NUP153: variants seen among roughly 807,000 people sequenced by gnomAD.
NUP153 encodes the protein nucleoporin 153.
NUP153 carries 27 observed loss-of-function variants against 134.6 expected under a neutral mutation model. The observed-to-expected ratio is 0.20, with a 90% confidence interval of 0.15 to 0.28. The LOEUF is 0.28. Ranked by LOEUF, NUP153 falls within the 10% of genes least tolerant of loss-of-function variation. The pLI, the probability that NUP153 is intolerant of heterozygous loss-of-function variation, is 1.00. For missense variants in NUP153, 1,821 were observed against 1,731.3 expected (o/e 1.05, Z -0.92); for synonymous variants, 640 against 623.5 (o/e 1.03, Z -0.40).
rs1339833046 is a variant in NUP153 at position 17,632,763 on chromosome 6, T to G, written c.2546A>C (p.Lys849Thr). 6.2e-7 allele frequency: 1 copy of G among 1,611,408 alleles called. No homozygotes were observed. Among genetic ancestry groups the G allele is most frequent in the South Asian group, 1.1e-5 (1 of 91,052 alleles). The change falls in exon 17 of 22, where the codon AAG becomes ACG. Residue 849 changes from lysine (K) to threonine (T), a missense_variant. Transcript: ENST00000262077. ...ACAGTCCCAGCTTCCCTCGGGTTTCTTGAACTTTTCCAATCCTAGAGAGCC... is the reference window on the plus strand; with the variant it reads ...ACAGTCCCAGCTTCCCTCGGGTTTCGTGAACTTTTCCAATCCTAGAGAGCC... ...SGGSLGLEKFKKPEGSWDCEL... is the reference protein window; with the variant it reads ...SGGSLGLEKFTKPEGSWDCEL...
chr6:17,626,086 C>A lies in NUP153; in HGVS notation c.3623G>T (p.Gly1208Val). ...SSSSTPATSA[G>V]GGIFGSSTSS... ...GGTGGAACTACCAAATATGCCACCA[C>A]CAGCAGAAGTGGCTGGTGTACTTGA... is the stretch of plus-strand genomic sequence containing the variant. The change falls in exon 19 of 22, where the codon GGT becomes GTT. Residue 1208 changes from glycine to valine, a missense_variant. Coordinates refer to ENST00000262077, the MANE Select transcript of NUP153 (RefSeq NM_005124.4). 6.2e-7 allele frequency: 1 copy of A among 1,613,904 alleles called. No homozygotes were observed. Among genetic ancestry groups the A allele is most frequent in the Non-Finnish European group, 8.5e-7 (1 of 1,180,028 alleles).
intron 7 of NUP153, 39 bp downstream of exon 7, chr6:17,669,254 T>C: frequency 6.4e-7 from 1 of 1,558,896 alleles, no homozygotes; most frequent in African/African-American, 1.4e-5. Flanking sequence ...AATTTTTGTA[T>C]GAACAATATT....
chr6:17,678,568 G>C (rs1768376225), intron 2 of NUP153, among the ~76,000 whole-genome samples: 1 of 152,094 alleles, frequency 6.6e-6, no homozygotes, highest in Admixed American at 6.5e-5. Flanking sequence ...CTTGATTAAT[G>C]CTCTCCTCAG....
chr6:17,675,819 A>G lies in NUP153; in HGVS notation c.335-49T>C. On this transcript the variant is annotated intron_variant, in intron 2 of 21. Transcript: ENST00000262077. The surrounding 1 kb of genome is among the most constrained non-coding windows in gnomAD (Gnocchi z 4.4). ...ATGAATATACAACTTAGAGCGATAC[A>G]CTACCACAAATGGTTTTTACTTTAA... is the stretch of plus-strand genomic sequence containing the variant. 1.3e-6 allele frequency: 2 copies of G among 1,559,634 alleles called. No homozygotes were observed. The highest frequency in any genetic ancestry group is 1.8e-6 in the Non-Finnish European group (2 of 1,131,494).
intron 1 of NUP153, among the ~76,000 whole-genome samples, chr6:17,698,594 G>A (rs1013789977): frequency 4.0e-5 from 6 of 151,892 alleles, no homozygotes; most frequent in Admixed American, 1.3e-4. Context: ...AAAAATTAGC[G>A]GGGCGTGGTG....
In NUP153 at chr6:17,706,531, A is replaced by G. The variant is rs1235480438; in HGVS notation, c.-144T>C. On this transcript the variant is annotated 5_prime_UTR_variant, in exon 1 of 22. Coordinates refer to ENST00000262077, the MANE Select transcript of NUP153 (RefSeq NM_005124.4). This position sits in a 1 kb window ranked among gnomAD's most constrained non-coding sequence, Gnocchi z 5.9. ...TCCACACAGTGGGCACAAGCACCCC[A>G]GGAACCGCGAGGTTGCGAGCAGGAG... 5 of 610,942 alleles carry G rather than the reference A, an allele frequency of 8.2e-6. No individual in the cohort carries two copies. The highest frequency in any genetic ancestry group is 1.4e-5 in the Non-Finnish European group (5 of 352,154). 37.8% of individuals were successfully genotyped at this position (610,942 alleles called of 1,614,324 possible).
intron 1 of NUP153, among the ~76,000 whole-genome samples, chr6:17,701,832 CGGG>C (rs59685451): frequency 2.3e-5 from 1 of 44,420 alleles, no homozygotes; most frequent in African/African-American, 1.0e-4. Context: ...GACTCTGTCT[CGGG>C]GGGGGGGGGA....
chr6:17,647,430 C>T (rs1158689169), intron 13 of NUP153, among the ~76,000 whole-genome samples: 1 of 152,136 alleles, frequency 6.6e-6, no homozygotes, highest in East Asian at 1.9e-4. Flanking sequence ...AATTAAAGGA[C>T]AGTCTGGGGA....
chr6:17,657,950 A>G (rs1269769684), intron 11 of NUP153, among the ~76,000 whole-genome samples: 1 of 152,188 alleles, frequency 6.6e-6, no homozygotes, highest in Non-Finnish European at 1.5e-5. Context: ...ATTATTTTAG[A>G]CTGTGGAAAT....
intron 16 of NUP153, among the ~76,000 whole-genome samples, chr6:17,634,565 T>A (rs1304870097): frequency 1.3e-5 from 2 of 152,146 alleles, no homozygotes; most frequent in African/African-American, 4.8e-5. Flanking sequence ...GCCTCCCAAG[T>A]AGCTGGGATT....
At chr6:17,690,620 A>AT (rs1269051290) in intron 1 of NUP153, among the ~76,000 whole-genome samples, 2 of 152,178 alleles carry the variant, frequency 1.3e-5, no homozygotes, top group African/African-American at 4.8e-5. Context: ...AAGGTAACCG[A>AT]TTTTAGGCAA....
At chr6:17,681,610 G>A (rs1227699688) in intron 2 of NUP153, among the ~76,000 whole-genome samples, 2 of 152,014 alleles carry the variant, frequency 1.3e-5, no homozygotes, top group African/African-American at 4.8e-5. Flanking sequence ...AAAAACCAGA[G>A]ATACTGTCTG....
At chr6:17,702,424 C>T (rs1770175660) in intron 1 of NUP153, among the ~76,000 whole-genome samples, 1 of 152,156 alleles carries the variant, frequency 6.6e-6, no homozygotes, top group African/African-American at 2.4e-5. Flanking sequence ...AGAAGAATGG[C>T]GTGAACCCGG....
chr6:17,684,046 C>G (rs1293578615), intron 2 of NUP153, among the ~76,000 whole-genome samples: 1 of 152,004 alleles, frequency 6.6e-6, no homozygotes, highest in Admixed American at 6.6e-5. Context: ...ACTCTTGCTC[C>G]CTTCTCCCTC....
In NUP153 at chr6:17,638,568, T is replaced by C. The variant is rs767169050; in HGVS notation, c.1847-798A>G. Among the ~76,000 whole-genome samples the C allele has an allele frequency of 6.6e-6, 1 of 152,252 alleles. No individual in the cohort carries two copies. Among genetic ancestry groups the C allele is most frequent in the Non-Finnish European group, 1.5e-5 (1 of 68,046 alleles). On this transcript the variant is annotated intron_variant, in intron 15 of 21. Transcript: ENST00000262077. This position sits in a 1 kb window ranked among gnomAD's most constrained non-coding sequence, Gnocchi z 4.0. ...AGTGGGCAACGTGTTATTTTGCTTA[T>C]GATTAATTTAAATCACTAAGATTGG...
chr6:17,670,552 C>T (rs1014820433), intron 5 of NUP153, among the ~76,000 whole-genome samples: 19 of 152,174 alleles, frequency 1.2e-4, no homozygotes, highest in African/African-American at 4.1e-4. Context: ...ACTGCACTGG[C>T]TAGCACCTGC....
chr6:17,627,344 G>A (rs1037935598), intron 18 of NUP153, among the ~76,000 whole-genome samples: 2 of 152,278 alleles, frequency 1.3e-5, no homozygotes, highest in African/African-American at 2.4e-5. Context: ...ACAAAAAACT[G>A]CTCATAGCTA....
At chr6:17,626,912 T>C (rs1231488310) in intron 18 of NUP153, among the ~76,000 whole-genome samples, 1 of 152,238 alleles carries the variant, frequency 6.6e-6, no homozygotes, top group Non-Finnish European at 1.5e-5. Flanking sequence ...TGTGTTCTTT[T>C]AGTTATTTGG....
chr6:17,646,421 T>C (rs1020109729), intron 13 of NUP153, among the ~76,000 whole-genome samples: 2 of 152,150 alleles, frequency 1.3e-5, no homozygotes, highest in African/African-American at 2.4e-5. Context: ...TTAGCCAGGA[T>C]GGTCTCGATC....
Sources: allele counts gnomAD v4.1 joint callset (sites outside exome capture counted in the v4.1 genomes callset), GRCh38; gene constraint gnomAD v4.1.1; non-coding constraint Gnocchi (gnomAD v3.1); transcripts MANE v1.5; gene names NCBI Gene and HGNC (gene_info 2026-07-23, HGNC 2026-07-21).